TGFBR3: variants seen among roughly 807,000 people sequenced by gnomAD.
TGFBR3 encodes the protein transforming growth factor beta receptor type 3.
Under a neutral mutation model 87.9 loss-of-function variants are expected in TGFBR3, and 46 were observed. The ratio of observed to expected loss-of-function variants is 0.52; its 90% CI spans 0.41 to 0.67. The LOEUF (loss-of-function observed/expected upper bound fraction) is 0.67. Among genes scored for constraint, TGFBR3 ranks in the 30% least tolerant of loss-of-function variants. TGFBR3 has a pLI of 0.00. For synonymous variants in TGFBR3, 381 were observed against 391.6 expected, an observed-to-expected ratio of 0.97 and a Z score of 0.32; for missense variants, 866 against 1,041.9, an observed-to-expected ratio of 0.83 and a Z score of 2.32.
At chr1:91,685,905 AC>A (rs1316780565) in intron 16 of TGFBR3, among the ~76,000 whole-genome samples, 1 of 152,178 alleles carries the variant, frequency 6.6e-6, no homozygotes, top group African/African-American at 2.4e-5. Context: ...GTTGGTCCAT[AC>A]CCAGCTGGAT....
intron 2 of TGFBR3, among the ~76,000 whole-genome samples, chr1:91,844,714 A>G (rs1408103284): frequency 1.3e-5 from 2 of 152,240 alleles, no homozygotes; most frequent in East Asian, 1.9e-4. Context: ...GTTATTCATG[A>G]TATCTCACAA....
intron 3 of TGFBR3, among the ~76,000 whole-genome samples, chr1:91,761,479 A>G (rs1016789170): frequency 2.0e-4 from 30 of 152,214 alleles, no homozygotes; most frequent in African/African-American, 7.2e-4. Context: ...AAGAATTCAC[A>G]CTACAATTGG....
At chr1:91,872,085 G>A in intron 1 of TGFBR3, among the ~76,000 whole-genome samples, 1 of 152,134 alleles carries the variant, frequency 6.6e-6, no homozygotes, top group East Asian at 1.9e-4. Flanking sequence ...TGACACTGCA[G>A]GCTTTGTACA....
At chr1:91,850,080 CAAAAAAAAAAAAA>C (rs376631972) in intron 2 of TGFBR3, among the ~76,000 whole-genome samples, 8 of 52,156 alleles carry the variant, frequency 1.5e-4, no homozygotes, top group South Asian at 8.5e-4. Context: ...GACTCCATCT[CAAAAAAAAAAAAA>C]AAAAAAAAAA....
intron 3 of TGFBR3, among the ~76,000 whole-genome samples, chr1:91,790,831 A>G (rs1300324806): frequency 6.6e-6 from 1 of 152,196 alleles, no homozygotes; most frequent in Non-Finnish European, 1.5e-5. Flanking sequence ...TTGCTCTCAC[A>G]TATGTACTCT....
intron 1 of TGFBR3, among the ~76,000 whole-genome samples, chr1:91,885,549 C>G (rs1288783178): frequency 1.3e-5 from 2 of 152,182 alleles, no homozygotes; most frequent in African/African-American, 4.8e-5. Flanking sequence ...AAGTGGCCGC[C>G]GCGCCCCGCA....
upstream of TGFBR3, among the ~76,000 whole-genome samples, chr1:91,890,364 A>G (rs1392919387): frequency 1.3e-5 from 2 of 149,446 alleles, no homozygotes; most frequent in Non-Finnish European, 1.5e-5. Context: ...ATAAAGTCTA[A>G]AAGACTTTAT....
chr1:91,796,029 T>G (rs1442353588), intron 3 of TGFBR3, among the ~76,000 whole-genome samples: 1 of 152,172 alleles, frequency 6.6e-6, no homozygotes, highest in Non-Finnish European at 1.5e-5. Context: ...CTCTGGAAAT[T>G]AACTTTCTTG....
At chr1:91,838,731 A>G (rs1677159956) in intron 2 of TGFBR3, among the ~76,000 whole-genome samples, 1 of 151,980 alleles carries the variant, frequency 6.6e-6, no homozygotes, top group Non-Finnish European at 1.5e-5. Flanking sequence ...TGCCTCCCAA[A>G]GTGCTGGGAT....
At position 91,716,693 on chromosome 1, in the gene TGFBR3, G is replaced by A; in HGVS notation, c.1582C>T (p.Pro528Ser). The A allele has an allele frequency of 6.2e-7, 1 of 1,614,024 alleles. No individual in the cohort carries two copies. Among genetic ancestry groups the A allele is most frequent in the East Asian group, 2.2e-5 (1 of 44,878 alleles). ...CAACCACTACTGTCCCCAAGGGCTG[G>A]AACCTGTATCACAATCTAAAAGGCA... is the stretch of plus-strand genomic sequence containing the variant. ...VYYNSIVIQV[P>S]ALGDSSGWPD... Residue 528 changes from proline to serine, a missense_variant, in exon 11 of 17, where the codon CCA (proline) becomes TCA (serine). By Grantham distance (74) the Pro-to-Ser change is moderately conservative. Coordinates refer to ENST00000212355, the MANE Select transcript of TGFBR3 (RefSeq NM_003243.5).
chr1:91,759,383 CAAA>C (rs35600646), intron 3 of TGFBR3, among the ~76,000 whole-genome samples: 76 of 84,698 alleles, frequency 9.0e-4, no homozygotes, highest in Non-Finnish European at 1.5e-3. Flanking sequence ...CAGCCCCTGT[CAAA>C]AAAAAAAAAA....
intron 6 of TGFBR3, among the ~76,000 whole-genome samples, chr1:91,729,505 C>T (rs1185185277): frequency 1.3e-5 from 2 of 152,064 alleles, no homozygotes; most frequent in African/African-American, 4.8e-5. Flanking sequence ...TAATTAACAC[C>T]CAGAAGTTTG....
At chr1:91,781,742 G>A (rs1160278459) in intron 3 of TGFBR3, among the ~76,000 whole-genome samples, 1 of 152,032 alleles carries the variant, frequency 6.6e-6, no homozygotes, top group South Asian at 2.1e-4. Flanking sequence ...GCAAGTCAAG[G>A]GCCCATATCA....
intron 1 of TGFBR3, among the ~76,000 whole-genome samples, chr1:91,880,154 C>T (rs1223490575): frequency 6.6e-6 from 1 of 152,106 alleles, no homozygotes; most frequent in Non-Finnish European, 1.5e-5. Context: ...TTCATATAAC[C>T]TAGATTCACT....
intron 5 of TGFBR3, among the ~76,000 whole-genome samples, chr1:91,734,362 C>T (rs749863843): frequency 6.6e-6 from 1 of 152,164 alleles, no homozygotes; most frequent in Admixed American, 6.5e-5. Flanking sequence ...AGGCTTCAAA[C>T]GTTTGCAGAA....
At chr1:91,789,546 A>G (rs1019988722) in intron 3 of TGFBR3, among the ~76,000 whole-genome samples, 11 of 152,198 alleles carry the variant, frequency 7.2e-5, no homozygotes, top group African/African-American at 2.7e-4. Context: ...ACCAACCTGC[A>G]TCTTGGTAGG....
intron 4 of TGFBR3, among the ~76,000 whole-genome samples, chr1:91,747,855 G>A (rs1673398295): frequency 6.6e-6 from 1 of 152,234 alleles, no homozygotes; most frequent in Non-Finnish European, 1.5e-5. Context: ...TTCCGCTCAT[G>A]CCTGAGCTGC....
intron 12 of TGFBR3, 75 bp downstream of exon 12, chr1:91,716,161 G>C (rs146349023): frequency 1.0e-5 from 16 of 1,570,970 alleles, no homozygotes; most frequent in Non-Finnish European, 1.4e-5. Flanking sequence ...GTCTGTACAG[G>C]GTATTTTAGC....
upstream of TGFBR3, among the ~76,000 whole-genome samples, chr1:91,888,671 T>C (rs1435756557): frequency 2.0e-5 from 3 of 152,134 alleles, no homozygotes; most frequent in South Asian, 2.1e-4. Flanking sequence ...CATTGCACTC[T>C]AGCCTGGACA....
Sources: allele counts gnomAD v4.1 joint callset (sites outside exome capture counted in the v4.1 genomes callset), GRCh38; gene constraint gnomAD v4.1.1; transcripts MANE v1.5; gene names NCBI Gene and HGNC (gene_info 2026-07-23, HGNC 2026-07-21).